The following SLC35D4 variants were observed in gnomAD, a reference collection of about 807,000 sequenced individuals.
The protein encoded by SLC35D4 is UDP-N-acetylglucosamine transporter SLC35D4.
At chr18:23,400,919 T>C in the SLC35D4 span, among the ~76,000 whole-genome samples, 3 of 152,236 alleles carry the variant, frequency 2.0e-5, no homozygotes, top group Admixed American at 2.0e-4. Flanking sequence ...ACTTGCTGCA[T>C]AAACTCATTG....
At chr18:23,361,784 T>A in the SLC35D4 span, among the ~76,000 whole-genome samples, 2 of 152,214 alleles carry the variant, frequency 1.3e-5, no homozygotes, top group Admixed American at 1.3e-4. Flanking sequence ...GGAAAATTAA[T>A]CCATGCAAGT....
At chr18:23,344,126 C>T in the SLC35D4 span, among the ~76,000 whole-genome samples, 81 of 152,304 alleles carry the variant, frequency 5.3e-4, no homozygotes, top group African/African-American at 1.8e-3. Context: ...AGGTGATCCA[C>T]CTGCCTCTGC....
chr18:23,245,342 T>G, the SLC35D4 span, among the ~76,000 whole-genome samples: 57 of 152,064 alleles, frequency 3.7e-4, no homozygotes, highest in African/African-American at 1.3e-3. Context: ...ACCCCATCTC[T>G]ACCAAAAAAT....
the SLC35D4 span, among the ~76,000 whole-genome samples, chr18:23,343,820 G>C: frequency 1.7e-4 from 26 of 151,748 alleles, no homozygotes; most frequent in African/African-American, 6.3e-4. Flanking sequence ...GCGATATTTG[G>C]TGTTCTATTC....
At chr18:23,254,433 G>C in the SLC35D4 span, among the ~76,000 whole-genome samples, 1 of 152,178 alleles carries the variant, frequency 6.6e-6, no homozygotes, top group Non-Finnish European at 1.5e-5. Context: ...CTACATGAAT[G>C]CCTGTTTTAG....
chr18:23,374,710 C>G, the SLC35D4 span, among the ~76,000 whole-genome samples: 3 of 152,100 alleles, frequency 2.0e-5, no homozygotes, highest in Non-Finnish European at 4.4e-5. Context: ...GTCTCGAACT[C>G]CCGACCTCAG....
the SLC35D4 span, among the ~76,000 whole-genome samples, chr18:23,320,603 C>T: frequency 6.6e-6 from 1 of 152,186 alleles, no homozygotes; most frequent in Non-Finnish European, 1.5e-5. Context: ...ATAGCTTCTA[C>T]CAGGAAGCAT....
chr18:23,334,790 C>G, the SLC35D4 span, among the ~76,000 whole-genome samples: 1 of 151,956 alleles, frequency 6.6e-6, no homozygotes, highest in Non-Finnish European at 1.5e-5. Flanking sequence ...CACTTGAGGT[C>G]GGACGGGTTC....
At chr18:23,376,591 T>A in the SLC35D4 span, among the ~76,000 whole-genome samples, 1 of 152,244 alleles carries the variant, frequency 6.6e-6, no homozygotes, top group Non-Finnish European at 1.5e-5. Flanking sequence ...TTCTTGGGGC[T>A]GCCCAGGAAC....
the SLC35D4 span, chr18:23,373,873 T>G: frequency 2.6e-6 from 3 of 1,164,346 alleles, no homozygotes; most frequent in Non-Finnish European, 2.4e-6. Flanking sequence ...GCAAAGATCC[T>G]GCGAGACCAA....
the SLC35D4 span, among the ~76,000 whole-genome samples, chr18:23,400,479 C>A: frequency 6.6e-6 from 1 of 151,970 alleles, no homozygotes; most frequent in Non-Finnish European, 1.5e-5. Context: ...CAAAAGTTAG[C>A]CAGGCATGGT....
chr18:23,382,065 C>T, the SLC35D4 span, among the ~76,000 whole-genome samples: 3 of 151,752 alleles, frequency 2.0e-5, no homozygotes, highest in Non-Finnish European at 4.4e-5. Context: ...TGGTGAAACC[C>T]CCATCTCTAC....
chr18:23,288,353 G>C, the SLC35D4 span, among the ~76,000 whole-genome samples: 1 of 152,162 alleles, frequency 6.6e-6, no homozygotes, highest in Admixed American at 6.5e-5. Context: ...TTCCATCGTG[G>C]AAATCTATCC....
At chr18:23,326,834 G>A in the SLC35D4 span, among the ~76,000 whole-genome samples, 1 of 152,152 alleles carries the variant, frequency 6.6e-6, no homozygotes, top group Non-Finnish European at 1.5e-5. Flanking sequence ...TAAAAGAACA[G>A]AAATCACAAC....
the SLC35D4 span, chr18:23,421,223 G>A: frequency 2.9e-6 from 2 of 689,778 alleles, no homozygotes; most frequent in East Asian, 2.9e-5. Flanking sequence ...TAGCCTGGGA[G>A]ACAGTGAGAC....
At chr18:23,361,095 CTT>C in the SLC35D4 span, among the ~76,000 whole-genome samples, 92 of 79,438 alleles carry the variant, frequency 1.2e-3, 2 homozygotes, top group South Asian at 0.031. Flanking sequence ...GAGTTCGAGA[CTT>C]TGTCTCAAAA....
At chr18:23,260,603 T>C in the SLC35D4 span, 1 of 152,262 alleles carries the variant, frequency 6.6e-6, no homozygotes, top group Non-Finnish European at 1.5e-5. Context: ...GCTGCAAGCT[T>C]AAGTGGGTGG....
At chr18:23,267,029 C>T in the SLC35D4 span, among the ~76,000 whole-genome samples, 1 of 152,326 alleles carries the variant, frequency 6.6e-6, no homozygotes, top group South Asian at 2.1e-4. Context: ...AGAGGTAGAG[C>T]TGTGCCCACA....
chr18:23,420,040 A>G, the SLC35D4 span, among the ~76,000 whole-genome samples: 1 of 152,200 alleles, frequency 6.6e-6, no homozygotes, highest in African/African-American at 2.4e-5. Flanking sequence ...ACAGTGGTTC[A>G]TGCCTGTAAT....
Sources: gnomAD v4.1 joint callset for allele counts (sites outside exome capture counted in the v4.1 genomes callset) on GRCh38, gnomAD v4.1.1 for gene constraint, MANE v1.5 for transcripts, NCBI Gene and HGNC (gene_info 2026-07-23, HGNC 2026-07-21) for gene names.